Variants in CPQ observed in about 807,000 individuals in gnomAD.
The protein encoded by CPQ is carboxypeptidase Q.
Under a neutral mutation model 45.7 loss-of-function variants are expected in CPQ, and 37 were observed. The observed-to-expected ratio is 0.81, with a 90% confidence interval of 0.62 to 1.07. The LOEUF is 1.07. Ranked by LOEUF, CPQ falls within the 50% of genes least tolerant of loss-of-function variation. The pLI is 0.00. For synonymous variants in CPQ, 186 were observed against 205.8 expected (o/e 0.90, Z 0.82); for missense variants, 537 against 572.9 (o/e 0.94, Z 0.64).
At chr8:96,752,489 C>A (rs1810274796) in intron 1 of CPQ, among the ~76,000 whole-genome samples, 1 of 152,104 alleles carries the variant, frequency 6.6e-6, no homozygotes, top group South Asian at 2.1e-4. Context: ...TATCCTGAGC[C>A]TTTGCTGAAG....
chr8:96,955,922 T>A (rs2130345893), intron 4 of CPQ, among the ~76,000 whole-genome samples: 1 of 152,236 alleles, frequency 6.6e-6, no homozygotes, highest in Admixed American at 6.5e-5. Flanking sequence ...ATAAAAACCC[T>A]AGGAGAAAAC....
intron 1 of CPQ, among the ~76,000 whole-genome samples, chr8:96,663,553 G>C (rs1485991652): frequency 6.6e-6 from 1 of 152,180 alleles, no homozygotes; most frequent in Non-Finnish European, 1.5e-5. Flanking sequence ...AAATATCCAG[G>C]CTGTGAGCAC....
chr8:96,991,553 C>CATAATAATAATA (rs36215104), intron 5 of CPQ, among the ~76,000 whole-genome samples: 2 of 139,982 alleles, frequency 1.4e-5, no homozygotes, highest in Non-Finnish European at 3.1e-5. Context: ...AAGAGTCTGT[C>CATAATAATAATA]ATAATAATAA....
intron 6 of CPQ, among the ~76,000 whole-genome samples, chr8:97,056,933 A>G (rs990808722): frequency 2.6e-5 from 4 of 152,140 alleles, no homozygotes; most frequent in Non-Finnish European, 5.9e-5. Flanking sequence ...CCTTCTTTGT[A>G]CATATTCATA....
rs796495493 is a variant in CPQ at position 97,123,085 on chromosome 8, T to A, written c.1256-19935T>A. 2.3e-3 allele frequency among the ~76,000 whole-genome samples: 98 copies of A among 41,780 alleles called. 1 individual carries two copies. The highest frequency in any genetic ancestry group is 3.0e-3 in the Non-Finnish European group (60 of 19,726). 27.4% of individuals were successfully genotyped at this position (41,780 alleles called of 152,430 possible). A position where few individuals can be genotyped will look rare whatever the true frequency, so the allele number is the denominator to read the frequency against. ...AATAAAAAAAATAAAATAAAATAAA[T>A]AAAATAAAATAAAATAAATAAAATA... On this transcript the variant is annotated intron_variant, in intron 7 of 7. Transcript: ENST00000220763.
intron 3 of CPQ, among the ~76,000 whole-genome samples, chr8:96,839,683 T>C (rs1349210932): frequency 6.6e-6 from 1 of 152,196 alleles, no homozygotes; most frequent in Non-Finnish European, 1.5e-5. Flanking sequence ...TTCCATGTGT[T>C]TTTTGTCCTC....
chr8:96,784,691 G>A (rs541961602), intron 1 of CPQ, among the ~76,000 whole-genome samples, 173 bp from the exon 2 acceptor site: 4 of 152,040 alleles, frequency 2.6e-5, no homozygotes, highest in Admixed American at 6.6e-5. Flanking sequence ...GAGGTCAATC[G>A]TTGCCTCTTT....
At chr8:96,798,136 CAT>C (rs373868405) in intron 2 of CPQ, among the ~76,000 whole-genome samples, 1 of 150,586 alleles carries the variant, frequency 6.6e-6, no homozygotes. Flanking sequence ...TTTCCTAGGC[CAT>C]ATATATATAT....
At chr8:97,113,002 T>G (rs1563583808) in intron 7 of CPQ, among the ~76,000 whole-genome samples, 1 of 152,124 alleles carries the variant, frequency 6.6e-6, no homozygotes, top group Non-Finnish European at 1.5e-5. Context: ...GGGTCACAAA[T>G]CATCAAAACT....
intron 1 of CPQ, among the ~76,000 whole-genome samples, chr8:96,764,724 A>G (rs1810445885): frequency 6.6e-6 from 1 of 152,174 alleles, no homozygotes; most frequent in South Asian, 2.1e-4. Context: ...TTGGGCAACT[A>G]CTTTTCTTGT....
intron 4 of CPQ, among the ~76,000 whole-genome samples, chr8:96,925,920 C>T (rs1812868273): frequency 6.7e-6 from 1 of 149,174 alleles, no homozygotes; most frequent in Admixed American, 6.8e-5. Context: ...AATCTCCTGA[C>T]CTCGTGATCT....
intron 2 of CPQ, among the ~76,000 whole-genome samples, chr8:96,826,293 G>A (rs1586416062): frequency 1.3e-5 from 2 of 152,066 alleles, no homozygotes; most frequent in African/African-American, 4.8e-5. Context: ...CTTCCCTAAG[G>A]TATCACATAT....
chr8:97,061,700 G>C (rs1195245352), intron 6 of CPQ, among the ~76,000 whole-genome samples: 1 of 152,102 alleles, frequency 6.6e-6, no homozygotes, highest in African/African-American at 2.4e-5. Flanking sequence ...CAGAAATGCT[G>C]CCTAGCATCG....
chr8:96,780,469 C>T (rs1810671606), intron 1 of CPQ, among the ~76,000 whole-genome samples: 1 of 151,880 alleles, frequency 6.6e-6, no homozygotes, highest in African/African-American at 2.4e-5. Flanking sequence ...CAATATTGTC[C>T]AATATAAATA....
chr8:96,909,223 C>T (rs912592850), intron 4 of CPQ, among the ~76,000 whole-genome samples: 1 of 151,830 alleles, frequency 6.6e-6, no homozygotes, highest in Admixed American at 6.6e-5. Context: ...GTAAACTAAA[C>T]CTCTGATATC....
intron 1 of CPQ, among the ~76,000 whole-genome samples, chr8:96,758,168 G>C (rs773416982): frequency 5.3e-5 from 8 of 152,178 alleles, no homozygotes; most frequent in Admixed American, 3.3e-4. Flanking sequence ...TAAGAGATCT[G>C]AGGTCTTTTA....
intron 4 of CPQ, among the ~76,000 whole-genome samples, chr8:96,907,359 A>G (rs1364795805): frequency 6.6e-6 from 1 of 152,168 alleles, no homozygotes; most frequent in Non-Finnish European, 1.5e-5. Flanking sequence ...ATGGATCATC[A>G]TAAAGCTCAG....
At chr8:97,120,731 G>C (rs1811687527) in intron 7 of CPQ, among the ~76,000 whole-genome samples, 1 of 152,120 alleles carries the variant, frequency 6.6e-6, no homozygotes, top group Non-Finnish European at 1.5e-5. Flanking sequence ...CAATTGACAG[G>C]GAGAGACAGG....
Position 96,966,007 on chromosome 8 carries a change from T to G in CPQ, c.922T>G (p.Phe308Val). ...QGAMDDGGGA[F>V]ISWEALSLIK... ...TGCCATGGATGATGGCGGTGGAGCCTTTATATCATGGGAAGCACTCTCACT... is the reference window on the plus strand; with the variant it reads ...TGCCATGGATGATGGCGGTGGAGCCGTTATATCATGGGAAGCACTCTCACT... The change falls in exon 5 of 8, where the codon TTT becomes GTT. Residue 308 changes from phenylalanine to valine, a missense_variant. Phe to Val is a conservative substitution (Grantham distance 50, BLOSUM62 -1). Coordinates refer to ENST00000220763, the MANE Select transcript of CPQ (RefSeq NM_016134.4). 6.2e-7 allele frequency: 1 copy of G among 1,613,880 alleles called. No homozygotes were observed. The highest frequency in any genetic ancestry group is 8.5e-7 in the Non-Finnish European group (1 of 1,179,862).
Sources: gnomAD v4.1 joint callset for allele counts (sites outside exome capture counted in the v4.1 genomes callset) on GRCh38, gnomAD v4.1.1 for gene constraint, MANE v1.5 for transcripts, NCBI Gene and HGNC (gene_info 2026-07-23, HGNC 2026-07-21) for gene names.